Variants in ENPP6 observed in about 807,000 individuals in gnomAD.
ENPP6 encodes ectonucleotide pyrophosphatase/phosphodiesterase 6.
Under a neutral mutation model 42.0 loss-of-function variants are expected in ENPP6, and 32 were observed. The ratio of observed to expected loss-of-function variants is 0.76; its 90% CI spans 0.58 to 1.02. The LOEUF (loss-of-function observed/expected upper bound fraction) is 1.02, where lower values mean the gene tolerates loss of function less well. ENPP6 is among the 50% of genes least tolerant of loss of function. The pLI, the probability that ENPP6 is intolerant of heterozygous loss-of-function variation, is 0.00. For synonymous variants in ENPP6, 213 were observed against 216.0 expected (o/e 0.99, Z 0.12); for missense variants, 552 against 566.8 (o/e 0.97, Z 0.27).
intron 2 of ENPP6, among the ~76,000 whole-genome samples, chr4:184,130,400 C>T (rs368935956): frequency 0.024 from 3,208 of 136,434 alleles, 147 homozygotes; most frequent in African/African-American, 0.083. Context: ...CTACTAAAAA[C>T]ACAAAAAATT....
chr4:184,217,674 C>A lies in ENPP6; in HGVS notation c.146G>T (p.Gly49Val), dbSNP rs756834646. ...ISDEALESLPGFKEIVSRGVK... is the reference protein window; with the variant it reads ...ISDEALESLPVFKEIVSRGVK... ...TCCCCTGCTCACAATCTCTTTGAAA[C>A]CAGGCAATGACTCCAGCGCCTCATC... The change falls in exon 1 of 8, where the codon GGT (glycine) becomes GTT (valine). Residue 49 changes from glycine (G) to valine (V), a missense_variant. Physicochemically the swap from Gly to Val is moderately radical, Grantham distance 109 (BLOSUM62 -3). Coordinates refer to ENST00000296741, the MANE Select transcript of ENPP6 (RefSeq NM_153343.4). The A allele has an allele frequency of 6.2e-7, 1 of 1,614,208 alleles. No homozygotes were observed. Among genetic ancestry groups the A allele is most frequent in the African/African-American group, 1.3e-5 (1 of 75,046 alleles).
intron 2 of ENPP6, among the ~76,000 whole-genome samples, chr4:184,135,435 A>T (rs780247422): frequency 2.6e-4 from 39 of 152,206 alleles, no homozygotes; most frequent in Non-Finnish European, 1.2e-4. Flanking sequence ...TGATATCAAC[A>T]TGAAATGTCC....
At chr4:184,104,381 T>G (rs1435166240) in intron 6 of ENPP6, among the ~76,000 whole-genome samples, 1 of 152,230 alleles carries the variant, frequency 6.6e-6, no homozygotes, top group Non-Finnish European at 1.5e-5. Flanking sequence ...GGGCCTGAAT[T>G]TGCTGCATTT....
chr4:184,115,822 A>G (rs577489925), intron 5 of ENPP6, among the ~76,000 whole-genome samples: 162 of 152,292 alleles, frequency 1.1e-3, no homozygotes, highest in Non-Finnish European at 2.0e-3. Flanking sequence ...ACAGAAACAG[A>G]TCAGCCTGGC....
At chr4:184,176,414 GAAGTT>G (rs1000049854) in intron 1 of ENPP6, among the ~76,000 whole-genome samples, 7 of 152,212 alleles carry the variant, frequency 4.6e-5, no homozygotes, top group Admixed American at 2.6e-4. Flanking sequence ...GAAACGGTGA[GAAGTT>G]AAGTGTTAAA....
chr4:184,172,591 C>G (rs945033468), intron 1 of ENPP6, among the ~76,000 whole-genome samples: 1 of 152,118 alleles, frequency 6.6e-6, no homozygotes, highest in Non-Finnish European at 1.5e-5. Flanking sequence ...CGGCCTGGAC[C>G]GGAGTGAGCA....
intron 1 of ENPP6, among the ~76,000 whole-genome samples, chr4:184,183,279 A>G (rs994142408): frequency 3.7e-4 from 57 of 152,244 alleles, no homozygotes; most frequent in Admixed American, 3.6e-3. Context: ...GACACTGAGT[A>G]TGTAGAAATA....
chr4:184,158,829 T>C (rs1040337341), intron 1 of ENPP6, among the ~76,000 whole-genome samples: 5 of 152,234 alleles, frequency 3.3e-5, no homozygotes, highest in South Asian at 2.1e-4. Flanking sequence ...TTTTCACAAC[T>C]TTTTTCTTCA....
intron 3 of ENPP6, among the ~76,000 whole-genome samples, chr4:184,120,225 A>G (rs1579619184): frequency 6.6e-6 from 1 of 152,080 alleles, no homozygotes; most frequent in African/African-American, 2.4e-5. Flanking sequence ...CTCTACAGGG[A>G]GGAGGGTCCA....
intron 1 of ENPP6, among the ~76,000 whole-genome samples, chr4:184,197,800 A>T (rs1348243939): frequency 6.6e-6 from 1 of 152,232 alleles, no homozygotes; most frequent in Non-Finnish European, 1.5e-5. Context: ...TCACTCATAG[A>T]AATGTGCAAG....
chr4:184,208,093 G>A (rs1733031235), intron 1 of ENPP6, among the ~76,000 whole-genome samples: 1 of 151,810 alleles, frequency 6.6e-6, no homozygotes, highest in Non-Finnish European at 1.5e-5. Context: ...TGGGGGACAG[G>A]AGGATGAGGA....
chr4:184,120,078 G>A (rs577565271), intron 3 of ENPP6, among the ~76,000 whole-genome samples: 9 of 152,310 alleles, frequency 5.9e-5, no homozygotes, highest in African/African-American at 2.2e-4. Context: ...GTAAAAGGGA[G>A]GGGAGGGGAA....
chr4:184,168,938 C>T (rs956863755), intron 1 of ENPP6, among the ~76,000 whole-genome samples: 1 of 152,210 alleles, frequency 6.6e-6, no homozygotes, highest in African/African-American at 2.4e-5. Context: ...CCTCCTAACC[C>T]TTGTTGTGTT....
intron 1 of ENPP6, among the ~76,000 whole-genome samples, chr4:184,200,295 T>C (rs1473160347): frequency 1.3e-5 from 2 of 152,184 alleles, no homozygotes; most frequent in Admixed American, 6.5e-5. Context: ...CCGGACCCAC[T>C]CGGCACATCT....
intron 1 of ENPP6, among the ~76,000 whole-genome samples, chr4:184,165,645 A>AG (rs5864877): frequency 0.75 from 114,140 of 151,858 alleles, 43,398 homozygotes; most frequent in African/African-American, 0.83. Flanking sequence ...ACCTCTAAGG[A>AG]GGAATATTCT....
intron 1 of ENPP6, among the ~76,000 whole-genome samples, chr4:184,208,669 G>A (rs1207889407): frequency 3.4e-5 from 5 of 148,592 alleles, no homozygotes; most frequent in South Asian, 2.2e-4. Flanking sequence ...GGGGAGGGGC[G>A]CCCGCCATTG....
At chr4:184,152,594 C>T (rs1172690740) in intron 2 of ENPP6, among the ~76,000 whole-genome samples, 1 of 152,190 alleles carries the variant, frequency 6.6e-6, no homozygotes, top group African/African-American at 2.4e-5. Flanking sequence ...AAAAAAGTGT[C>T]TATTGCCACG....
chr4:184,185,660 T>C (rs111959284), intron 1 of ENPP6, among the ~76,000 whole-genome samples: 151 of 152,308 alleles, frequency 9.9e-4, no homozygotes, highest in African/African-American at 3.5e-3. Context: ...AGAAAAACAA[T>C]CAGACAAATC....
intron 2 of ENPP6, among the ~76,000 whole-genome samples, chr4:184,143,541 C>A (rs1736865853): frequency 1.3e-5 from 2 of 152,242 alleles, no homozygotes; most frequent in Admixed American, 1.3e-4. Context: ...CACGATCAGG[C>A]TCTGTCCTCC....
Sources: allele counts gnomAD v4.1 joint callset (sites outside exome capture counted in the v4.1 genomes callset), GRCh38; gene constraint gnomAD v4.1.1; transcripts MANE v1.5; gene names NCBI Gene and HGNC (gene_info 2026-07-23, HGNC 2026-07-21).